Variants in MAG observed in about 807,000 individuals in gnomAD.
MAG encodes myelin-associated glycoprotein.
MAG carries 30 observed loss-of-function variants against 60.7 expected under a neutral mutation model. The ratio of observed to expected loss-of-function variants is 0.49; its 90% CI spans 0.37 to 0.67. The LOEUF is 0.67. Ranked by LOEUF, MAG falls within the 30% of genes least tolerant of loss-of-function variation. The probability of loss-of-function intolerance (pLI) is 0.00; values close to 1 mark genes in which losing one functional copy is unlikely to be tolerated. For synonymous variants in MAG, 384 were observed against 376.8 expected (o/e 1.02, Z -0.22); for missense variants, 795 against 851.7 (o/e 0.93, Z 0.83).
At chr19:35,301,767 T>A (rs949105386) in intron 6 of MAG, among the ~76,000 whole-genome samples, 17 of 152,306 alleles carry the variant, frequency 1.1e-4, no homozygotes, top group African/African-American at 3.9e-4. Context: ...GGTTTCACCA[T>A]GTTGGTCAGG....
intron 8 of MAG, 60 bp downstream of exon 8, chr19:35,310,221 A>G (rs2066517176): frequency 3.9e-6 from 6 of 1,549,564 alleles, no homozygotes; most frequent in Non-Finnish European, 2.6e-6. Flanking sequence ...CTTAGATCCA[A>G]GCTCCCAAGG....
chr19:35,295,315 C>T lies in MAG; in HGVS notation c.-23-71C>T. 1.6e-6 allele frequency: 2 copies of T among 1,282,360 alleles called. No individual in the cohort carries two copies. Among genetic ancestry groups the T allele is most frequent in the South Asian group, 2.5e-5 (2 of 79,748 alleles). 79.4% of individuals were successfully genotyped at this position (1,282,360 alleles called of 1,614,324 possible). A position where few individuals can be genotyped will look rare whatever the true frequency, so the allele number is the denominator to read the frequency against. ...CAGCAGCTAACATATGAATGGGCCC[C>T]TTCCTGAAGCCCAGATGGAACACCC... On this transcript the variant is annotated intron_variant, in intron 2 of 10. Coordinates refer to ENST00000392213, the MANE Select transcript of MAG (RefSeq NM_002361.4). This position sits in a 1 kb window ranked among gnomAD's most constrained non-coding sequence, Gnocchi z 5.8.
In MAG at chr19:35,300,327, C is replaced by T. The variant is rs2066439334; in HGVS notation, c.893C>T (p.Ala298Val). ...CTGGAGCTGGAGGAGGTGACCCCCGCCGAAGACGGCGTCTATGCCTGCCTG... is the reference window on the plus strand; with the variant it reads ...CTGGAGCTGGAGGAGGTGACCCCCGTCGAAGACGGCGTCTATGCCTGCCTG... ...LLLELEEVTP[A>V]EDGVYACLAE... The change falls in exon 6 of 11, where the codon GCC (alanine) becomes GTC (valine). Residue 298 changes from alanine to valine, a missense_variant. By Grantham distance (64) the Ala-to-Val change is moderately conservative (BLOSUM62 0). Coordinates refer to ENST00000392213, the MANE Select transcript of MAG (RefSeq NM_002361.4). 1.3e-6 allele frequency: 2 copies of T among 1,599,134 alleles called. No individual in the cohort carries two copies. Among genetic ancestry groups the T allele is most frequent in the East Asian group, 4.5e-5 (2 of 44,846 alleles).
At chr19:35,309,221 C>T (rs1416097989) in intron 7 of MAG, among the ~76,000 whole-genome samples, 2 of 152,088 alleles carry the variant, frequency 1.3e-5, no homozygotes, top group Non-Finnish European at 2.9e-5. Flanking sequence ...GCACCCCAAA[C>T]CACCCCGAAA....
chr19:35,309,998 C>T lies in MAG; in HGVS notation c.1356C>T (p.Thr452=), dbSNP rs145836924. 3.7e-6 allele frequency: 6 copies of T among 1,614,012 alleles called. No homozygotes were observed. The Admixed American group carries it at 5.0e-5, about 13-fold the overall frequency. Residue 452 remains threonine, a synonymous_variant, in exon 8 of 11, where the codon ACC becomes ACT. Coordinates refer to ENST00000392213, the MANE Select transcript of MAG (RefSeq NM_002361.4). ...VAFELPSRNV[T]VNESEREFVY... is the part of the protein sequence containing the mutation. ...TTGAGCTGCCATCGCGCAATGTGAC[C>T]GTGAACGAGAGCGAGCGGGAGTTCG...
chr19:35,296,451 C>T (rs1348007161), intron 4 of MAG, among the ~76,000 whole-genome samples: 1 of 152,192 alleles, frequency 6.6e-6, no homozygotes, highest in African/African-American at 2.4e-5. Context: ...GAAAGCAGGG[C>T]GGTGGCTGTC....
intron 4 of MAG, among the ~76,000 whole-genome samples, chr19:35,298,106 AC>A (rs2066416458): frequency 6.6e-6 from 1 of 150,890 alleles, no homozygotes; most frequent in African/African-American, 2.4e-5. Flanking sequence ...CACTACACAC[AC>A]CACATACATA....
intron 2 of MAG, 49 bp downstream of exon 2, chr19:35,294,339 C>T: frequency 2.3e-6 from 1 of 427,484 alleles, no homozygotes; most frequent in South Asian, 1.7e-5. Flanking sequence ...CTTTGCAATG[C>T]TGGCCCTGCC....
rs1010661066 is a variant in MAG, at chr19:35,293,463, C to T, written c.-79-772C>T. On this transcript the variant is annotated intron_variant, in intron 1 of 10. Coordinates refer to ENST00000392213, the MANE Select transcript of MAG (RefSeq NM_002361.4). The surrounding 1 kb of genome is among the most constrained non-coding windows in gnomAD (Gnocchi z 4.0). ...CTGTCTGGGTGTCTGTATGAGTCTC[C>T]GCTGCGTGTGCCTGCCCCTTCTGGC... Among the ~76,000 whole-genome samples, 7 of 152,156 alleles carry T rather than the reference C, an allele frequency of 4.6e-5. No homozygotes were observed. Among genetic ancestry groups the T allele is most frequent in the East Asian group, 1.9e-4 (1 of 5,164 alleles).
chr19:35,310,253 T>C (rs2066517454), intron 8 of MAG, 92 bp downstream of exon 8: 6 of 1,424,318 alleles, frequency 4.2e-6, no homozygotes, highest in Non-Finnish European at 4.7e-6. Flanking sequence ...CCACAGAGCA[T>C]GGGCTATGCA....
chr19:35,303,200 A>T (rs1438366034), intron 7 of MAG, among the ~76,000 whole-genome samples: 1 of 152,206 alleles, frequency 6.6e-6, no homozygotes, highest in Admixed American at 6.5e-5. Context: ...CTAGGATTAC[A>T]GGCGTGAGCC....
intron 10 of MAG, chr19:35,312,443 T>G: frequency 2.6e-6 from 2 of 784,094 alleles, no homozygotes; most frequent in Non-Finnish European, 4.2e-6. Context: ...TGTCCGGGCC[T>G]GCCCGGCAGT....
chr19:35,311,955 GA>G lies in MAG; in HGVS notation c.1655del (p.Asp552AlafsTer44). On this transcript the variant is annotated frameshift_variant, in exon 10 of 11. Coordinates refer to ENST00000392213, the MANE Select transcript of MAG (RefSeq NM_002361.4). LOFTEE classifies it high-confidence loss of function. The stretch of plus-strand genomic sequence containing the variant: ...AGAGAGCCCCAGCTTCTCGGCAGGG[GA>G]CAACCCTCCCGTCCTGTTCAGCAGC... ...VTESPSFSAG[D>X]NPPVLFSSDF... 1 of 1,613,464 alleles carries G rather than the reference GA, an allele frequency of 6.2e-7. No homozygotes were observed. The highest frequency in any genetic ancestry group is 8.5e-7 in the Non-Finnish European group (1 of 1,179,688).
At position 35,294,267 on chromosome 19, in the gene MAG, C is replaced by T. The variant is rs1242941196; in HGVS notation, c.-47C>T. 4.6e-6 allele frequency: 2 copies of T among 437,520 alleles called. No homozygotes were observed. The highest frequency in any genetic ancestry group is 2.1e-5 in the African/African-American group (1 of 48,776). 27.1% of individuals were successfully genotyped at this position (437,520 alleles called of 1,614,324 possible). A position where few individuals can be genotyped will look rare whatever the true frequency, so the allele number is the denominator to read the frequency against. On this transcript the variant is annotated 5_prime_UTR_variant, in exon 2 of 11. In the 5' UTR this introduces an upstream ATG that the reference lacks. Transcript: ENST00000392213. ...GGCGGCTTCAGGTGGACCCAGAAGA[C>T]GTCCCCAACTCAGGGAGATTCAGGT...
intron 6 of MAG, 64 bp downstream of exon 6, chr19:35,300,468 C>T: frequency 6.7e-7 from 1 of 1,501,920 alleles, no homozygotes; most frequent in Non-Finnish European, 8.9e-7. Flanking sequence ...GGAAAGGGGC[C>T]TCATCCAGGG....
intron 10 of MAG, chr19:35,312,847 G>A (rs2066538857): frequency 5.9e-6 from 1 of 168,388 alleles, no homozygotes; most frequent in African/African-American, 2.4e-5. Context: ...AGACCAGCCT[G>A]GCCAACATGG....
intron 8 of MAG, 79 bp downstream of exon 8, chr19:35,310,240 C>T: frequency 6.7e-7 from 1 of 1,495,008 alleles, no homozygotes; most frequent in Admixed American, 2.0e-5. Flanking sequence ...GGCTGACCAA[C>T]AGCCACAGAG....
intron 7 of MAG, among the ~76,000 whole-genome samples, chr19:35,306,598 C>T (rs1392415368): frequency 6.6e-6 from 1 of 151,782 alleles, no homozygotes; most frequent in Non-Finnish European, 1.5e-5. Flanking sequence ...TCACCATGCC[C>T]AGTTAATGTT....
Position 35,299,543 on chromosome 19 carries a change from G to C in MAG, c.416-11G>C, listed in dbSNP as rs200376511. On this transcript the variant is annotated splice_polypyrimidine_tract_variant and intron_variant, in intron 4 of 10. Coordinates refer to ENST00000392213, the MANE Select transcript of MAG (RefSeq NM_002361.4). ...TGCTTTCTCAGCCCTCCCTTTCCCC[G>C]CCTCGTATAGACACCCCCAACATCG... 7.0e-6 allele frequency: 11 copies of C among 1,563,424 alleles called. No individual in the cohort carries two copies. The East Asian group carries it at 2.5e-4, about 36-fold the overall frequency.
Sources: gnomAD v4.1 joint callset for allele counts (sites outside exome capture counted in the v4.1 genomes callset) on GRCh38, gnomAD v4.1.1 for gene constraint, Gnocchi (gnomAD v3.1) non-coding constraint, MANE v1.5 for transcripts, NCBI Gene and HGNC (gene_info 2026-07-23, HGNC 2026-07-21) for gene names.